The following ZNF652 variants were observed in gnomAD, a reference collection of about 807,000 sequenced individuals.
ZNF652 encodes zinc finger protein 652.
Under a neutral mutation model 45.2 loss-of-function variants are expected in ZNF652, and 16 were observed. That is an observed-to-expected ratio of 0.35 (90% CI 0.24 to 0.54). The LOEUF is 0.54. Ranked by LOEUF, ZNF652 falls within the 20% of genes least tolerant of loss-of-function variation. ZNF652 has a pLI of 0.91. For synonymous variants in ZNF652, 250 were observed against 260.6 expected (o/e 0.96, Z 0.39); for missense variants, 614 against 765.6 (o/e 0.80, Z 2.34).
At chr17:49,344,337 C>T (rs1424267462) in intron 1 of ZNF652, among the ~76,000 whole-genome samples, 2 of 151,734 alleles carry the variant, frequency 1.3e-5, no homozygotes, top group Non-Finnish European at 2.9e-5. Context: ...TGCACTCTAG[C>T]CTGGGCAACA....
At chr17:49,358,099 A>G (rs1205787912) in intron 1 of ZNF652, among the ~76,000 whole-genome samples, 1 of 152,214 alleles carries the variant, frequency 6.6e-6, no homozygotes, top group Non-Finnish European at 1.5e-5. Context: ...GTTTACATAC[A>G]TTATCTCTAA....
chr17:49,362,320 G>T (rs1279113002), upstream of ZNF652: 19 of 151,584 alleles, frequency 1.3e-4, no homozygotes, highest in Middle Eastern at 3.4e-3. Context: ...GCCCAACGGG[G>T]ATCCCGACAC....
At chr17:49,360,772 T>C (rs2143161480) in intron 1 of ZNF652, among the ~76,000 whole-genome samples, 1 of 152,256 alleles carries the variant, frequency 6.6e-6, no homozygotes, top group South Asian at 2.1e-4. Context: ...ACACATTCTT[T>C]CCTGAATACT....
intron 5 of ZNF652, among the ~76,000 whole-genome samples, chr17:49,308,090 A>G (rs1477057568): frequency 6.6e-6 from 1 of 152,288 alleles, no homozygotes; most frequent in South Asian, 2.1e-4. Flanking sequence ...CCAAAATGTT[A>G]AGAGTGGTGA....
At chr17:49,302,586 C>A (rs776511337) in intron 5 of ZNF652, among the ~76,000 whole-genome samples, 1 of 151,866 alleles carries the variant, frequency 6.6e-6, no homozygotes, top group African/African-American at 2.4e-5. Flanking sequence ...CTGCGCCTGG[C>A]CCAGAAATGT....
In ZNF652 at chr17:49,307,375, G is replaced by A. The variant is rs1225888306; in HGVS notation, c.1309+3937C>T. 2.9e-5 allele frequency among the ~76,000 whole-genome samples: 4 copies of A among 136,688 alleles called. No individual in the cohort carries two copies. In the East Asian group the frequency reaches 9.1e-4, roughly 31 times the overall value. The allele number at this position is 136,688 out of a possible 152,430, so 89.7% of individuals were successfully genotyped here. ...GAACCTGGGAGGTGGAGGTTGCAGTGAACCGAGATCGGGCCATTGCACTCT... is the reference window on the plus strand; with the variant it reads ...GAACCTGGGAGGTGGAGGTTGCAGTAAACCGAGATCGGGCCATTGCACTCT... On this transcript the variant is annotated intron_variant, in intron 5 of 5. Coordinates refer to ENST00000430262, the MANE Select transcript of ZNF652 (RefSeq NM_001145365.3).
chr17:49,298,518 T>C lies in ZNF652; in HGVS notation c.1716A>G (p.Pro572=), dbSNP rs1164692818. The stretch of plus-strand genomic sequence containing the variant: ...GCTCACTCTTAAAGAGAGCTGGAGG[T>C]GGCGGGAGGTGAGGGACTGGAGGGA... ...LPIPPVPHLP[P]PPALFKSEPL... Residue 572 remains proline (P), a synonymous_variant, in exon 6 of 6, where the codon CCA becomes CCG. Coordinates refer to ENST00000430262, the MANE Select transcript of ZNF652 (RefSeq NM_001145365.3). 6.2e-7 allele frequency: 1 copy of C among 1,607,844 alleles called. No individual in the cohort carries two copies. Among genetic ancestry groups the C allele is most frequent in the African/African-American group, 1.4e-5 (1 of 72,992 alleles).
chr17:49,351,245 C>G (rs1259182719), intron 1 of ZNF652, among the ~76,000 whole-genome samples: 1 of 151,640 alleles, frequency 6.6e-6, no homozygotes, highest in Non-Finnish European at 1.5e-5. Flanking sequence ...TGACTGACTT[C>G]TGACATTAAC....
In ZNF652 at chr17:49,290,501, G is replaced by C. The variant is rs547813416; in HGVS notation, c.*7912C>G. ...TATCTCTTTGGAGCAGAGAAGGTGA[G>C]AAGCATTTCCTTACTCATACTCCAG... On this transcript the variant is annotated 3_prime_UTR_variant, in exon 6 of 6. Transcript: ENST00000430262. 2 of 152,348 alleles carry C rather than the reference G, an allele frequency of 1.3e-5. No individual in the cohort carries two copies. The highest frequency in any genetic ancestry group is 4.1e-4 in the South Asian group (2 of 4,820). 9.4% of individuals were successfully genotyped at this position (152,348 alleles called of 1,614,324 possible). A position where few individuals can be genotyped will look rare whatever the true frequency, so the allele number is the denominator to read the frequency against.
In ZNF652 at chr17:49,294,127, A is replaced by G. The variant is rs924273501; in HGVS notation, c.*4286T>C. ...CAGTGAAATAATAATGGAACTAAAC[A>G]TACATATCTATTCAACAATCATAAA... On this transcript the variant is annotated 3_prime_UTR_variant, in exon 6 of 6. Transcript: ENST00000430262. Among the ~76,000 whole-genome samples the G allele has an allele frequency of 3.9e-5, 6 of 152,188 alleles. No individual in the cohort carries two copies. The highest frequency in any genetic ancestry group is 3.9e-4 in the Admixed American group (6 of 15,276).
In ZNF652 at chr17:49,328,037, CTTCT is replaced by C. The variant is rs151124327; in HGVS notation, c.-258-10058_-258-10055del. On this transcript the variant is annotated intron_variant, in intron 1 of 5. Transcript: ENST00000430262. ...GTGAGTCATGACCTTGGGTAAGTTA[CTTCT>C]TTATGTCTCATTTTCTGTATATGTA... Among the ~76,000 whole-genome samples the C allele has an allele frequency of 3.0e-4, 46 of 151,962 alleles. 1 individual carries two copies. The East Asian group carries it at 8.4e-3, about 28-fold the overall frequency.
At chr17:49,323,464 T>C (rs936991626) in intron 1 of ZNF652, among the ~76,000 whole-genome samples, 3 of 152,260 alleles carry the variant, frequency 2.0e-5, no homozygotes, top group African/African-American at 7.2e-5. Flanking sequence ...TCTAAACTCC[T>C]GTTTATGTTG....
intron 1 of ZNF652, among the ~76,000 whole-genome samples, chr17:49,343,029 A>G (rs1470974769): frequency 6.6e-6 from 1 of 151,746 alleles, no homozygotes; most frequent in South Asian, 2.1e-4. Context: ...TTACAGGTGC[A>G]TGCCACCACA....
intron 1 of ZNF652, among the ~76,000 whole-genome samples, chr17:49,320,672 T>C (rs1341640031): frequency 6.6e-6 from 1 of 152,222 alleles, no homozygotes; most frequent in Non-Finnish European, 1.5e-5. Context: ...TGAACTACTA[T>C]GAGTATCATT....
intron 5 of ZNF652, among the ~76,000 whole-genome samples, chr17:49,299,332 T>A (rs1598280471): frequency 6.6e-6 from 1 of 152,312 alleles, no homozygotes; most frequent in South Asian, 2.1e-4. Context: ...ATATCCTAGA[T>A]GACTCTTTGC....
chr17:49,359,549 C>T (rs771452063), intron 1 of ZNF652, among the ~76,000 whole-genome samples: 38 of 152,184 alleles, frequency 2.5e-4, no homozygotes, highest in Non-Finnish European at 4.6e-4. Flanking sequence ...GAATCGTAAG[C>T]TCCTAAAGAG....
At chr17:49,351,019 ACACACACACACAC>A (rs2070274990) in intron 1 of ZNF652, among the ~76,000 whole-genome samples, 7 of 25,508 alleles carry the variant, frequency 2.7e-4, no homozygotes, top group African/African-American at 8.5e-4. Flanking sequence ...ATATATACAC[ACACACACACACAC>A]ACACACACAC....
At position 49,293,370 on chromosome 17, in the gene ZNF652, CA is replaced by C. The variant is rs2069428343; in HGVS notation, c.*5042del. Among the ~76,000 whole-genome samples, 1 of 152,040 alleles carries C rather than the reference CA, an allele frequency of 6.6e-6. No homozygotes were observed. ...GAGTTTGATTTTCCTTTGAATCTTG[CA>C]AAACCTATCCTCTGAGACAAAAAGA... On this transcript the variant is annotated 3_prime_UTR_variant, in exon 6 of 6. Coordinates refer to ENST00000430262, the MANE Select transcript of ZNF652 (RefSeq NM_001145365.3).
chr17:49,317,693 C>A lies in ZNF652; in HGVS notation c.33G>T (p.Leu11=), dbSNP rs772942137. The A allele has an allele frequency of 2.5e-6, 4 of 1,598,744 alleles. No homozygotes were observed. The highest frequency in any genetic ancestry group is 2.7e-5 in the African/African-American group (2 of 74,658). Residue 11 remains leucine (L), a synonymous_variant, in exon 2 of 6, where the codon CTG becomes CTT. Coordinates refer to ENST00000430262, the MANE Select transcript of ZNF652 (RefSeq NM_001145365.3). ...CTACATGCACAGCACAGTTTTCAAC[C>A]AGCTCCTGACAAGAACTGGCTGTGT... is the stretch of plus-strand genomic sequence containing the variant. The part of the protein sequence containing the change: MSHTASSCQE[L]VENCAVHVAG...
Sources: gnomAD v4.1 joint callset for allele counts (sites outside exome capture counted in the v4.1 genomes callset) on GRCh38, gnomAD v4.1.1 for gene constraint, MANE v1.5 for transcripts, NCBI Gene and HGNC (gene_info 2026-07-23, HGNC 2026-07-21) for gene names.